The following BRINP2 variants were observed in gnomAD, a reference collection of about 807,000 sequenced individuals.
BRINP2 encodes the protein BMP/retinoic acid-inducible neural-specific protein 2.
A neutral mutation model predicts 69.2 loss-of-function variants in BRINP2; 21 were observed. That is an observed-to-expected ratio of 0.30 (90% CI 0.22 to 0.44). The LOEUF (loss-of-function observed/expected upper bound fraction) is 0.44. Among genes scored for constraint, BRINP2 ranks in the 20% least tolerant of loss-of-function variants. BRINP2 has a pLI of 1.00. For missense variants in BRINP2, 877 were observed against 986.0 expected (o/e 0.89, Z 1.48); for synonymous variants, 380 against 394.1 (o/e 0.96, Z 0.42).
chr1:177,197,587 T>G (rs548822226), intron 1 of BRINP2, among the ~76,000 whole-genome samples: 16 of 152,178 alleles, frequency 1.1e-4, no homozygotes, highest in Admixed American at 2.6e-4. Flanking sequence ...GGAAACAAAC[T>G]GTGGTAGGCC....
At chr1:177,241,423 T>C (rs948240230) in intron 2 of BRINP2, among the ~76,000 whole-genome samples, 2 of 152,204 alleles carry the variant, frequency 1.3e-5, no homozygotes, top group African/African-American at 4.8e-5. Flanking sequence ...AACAGGGCTC[T>C]AGATTTTGAA....
At chr1:177,245,416 C>T (rs1650343465) in intron 2 of BRINP2, among the ~76,000 whole-genome samples, 3 of 152,112 alleles carry the variant, frequency 2.0e-5, no homozygotes, top group African/African-American at 7.2e-5. Flanking sequence ...ACCAGAGGGG[C>T]TATTTCTTTG....
At chr1:177,181,201 A>G (rs1381326069) in intron 1 of BRINP2, among the ~76,000 whole-genome samples, 1 of 152,256 alleles carries the variant, frequency 6.6e-6, no homozygotes, top group East Asian at 1.9e-4. Context: ...TTTTGCCATT[A>G]ACTCCTGCAG....
intron 2 of BRINP2, among the ~76,000 whole-genome samples, chr1:177,234,730 C>G (rs1649966555): frequency 6.6e-6 from 1 of 152,198 alleles, no homozygotes; most frequent in African/African-American, 2.4e-5. Context: ...CTAGCTACCT[C>G]TTTTTGGAAA....
At chr1:177,278,855 C>A in intron 7 of BRINP2, 70 bp downstream of exon 7, 1 of 1,480,942 alleles carries the variant, frequency 6.8e-7, no homozygotes. Context: ...CCAAGGAGAA[C>A]CCTCTGTCCA....
At chr1:177,268,313 T>G (rs1174019424) in intron 4 of BRINP2, among the ~76,000 whole-genome samples, 2 of 152,184 alleles carry the variant, frequency 1.3e-5, no homozygotes, top group African/African-American at 4.8e-5. Flanking sequence ...TAGCTAACAC[T>G]CTTTTGTTGG....
rs1647915178 is a variant in BRINP2, at chr1:177,171,134, T to TGC, written c.-672_-671dup. ...CTTGCCCGGGGATGTGCACCTGCCG[T>TGC]GCGCTCCGAGGTCAGTGGCAGGTCT... On this transcript the variant is annotated 5_prime_UTR_variant, in exon 1 of 8. An upstream open reading frame in the 5' UTR loses its in-frame stop. Coordinates refer to ENST00000361539, the MANE Select transcript of BRINP2 (RefSeq NM_021165.4). Among the ~76,000 whole-genome samples, 2 of 152,206 alleles carry TGC rather than the reference T, an allele frequency of 1.3e-5. No homozygotes were observed. The highest frequency in any genetic ancestry group is 2.9e-5 in the Non-Finnish European group (2 of 68,030).
intron 2 of BRINP2, among the ~76,000 whole-genome samples, chr1:177,240,072 AC>A (rs1392458445): frequency 1.3e-5 from 2 of 152,160 alleles, no homozygotes; most frequent in Non-Finnish European, 1.5e-5. Context: ...AGCCAGAACC[AC>A]TGCTCACCAA....
chr1:177,223,000 T>G (rs1571907693), intron 1 of BRINP2, among the ~76,000 whole-genome samples: 1 of 152,196 alleles, frequency 6.6e-6, no homozygotes, highest in East Asian at 1.9e-4. Flanking sequence ...GACTTTTTAT[T>G]TAGAAGTACT....
intron 1 of BRINP2, among the ~76,000 whole-genome samples, chr1:177,172,031 T>C (rs1026821383): frequency 1.3e-4 from 20 of 152,212 alleles, no homozygotes; most frequent in African/African-American, 4.8e-4. Flanking sequence ...TCAAAGTTAG[T>C]GCAACTCCTA....
chr1:177,265,896 G>A lies in BRINP2; in HGVS notation c.670-7592G>A, dbSNP rs369650274. Among the ~76,000 whole-genome samples, 104 of 152,028 alleles carry A rather than the reference G, an allele frequency of 6.8e-4. 1 individual carries two copies. The highest frequency in any genetic ancestry group is 2.3e-3 in the African/African-American group (97 of 41,474). On this transcript the variant is annotated intron_variant, in intron 4 of 7. Coordinates refer to ENST00000361539, the MANE Select transcript of BRINP2 (RefSeq NM_021165.4). ...AGCACTTTGGGAGGCCAAGGTGAGC[G>A]GATCACAAGGTCAGGAGATGGAGAC...
chr1:177,275,225 G>T (rs988760997), intron 5 of BRINP2: 1 of 456,158 alleles, frequency 2.2e-6, no homozygotes, highest in Non-Finnish European at 4.4e-6. Context: ...AAGCCAACTA[G>T]GAGTATGTTC....
rs750417591 is a variant in BRINP2, at chr1:177,276,214, G to T, written c.792G>T (p.Leu264=). Residue 264 remains leucine, a synonymous_variant, in exon 6 of 8, where the codon CTG becomes CTT. Coordinates refer to ENST00000361539, the MANE Select transcript of BRINP2 (RefSeq NM_021165.4). ...TTTCCCCAGGCCTTCAGGTGCTGCTGCCTGAGTATCTGCGTGAGCGCTTTG... is the reference window on the plus strand; with the variant it reads ...TTTCCCCAGGCCTTCAGGTGCTGCTTCCTGAGTATCTGCGTGAGCGCTTTG... ...KVQLLGLQVL[L]PEYLRERFVA... is the part of the protein sequence containing the mutation. 9.3e-6 allele frequency: 15 copies of T among 1,612,792 alleles called. No homozygotes were observed. The highest frequency in any genetic ancestry group is 2.2e-5 in the East Asian group (1 of 44,854).
intron 2 of BRINP2, among the ~76,000 whole-genome samples, chr1:177,255,541 T>C (rs1241552103): frequency 1.3e-5 from 2 of 152,232 alleles, no homozygotes; most frequent in Non-Finnish European, 2.9e-5. Context: ...GGGATGTGAC[T>C]CATTCACGGT....
At chr1:177,257,066 G>A (rs770382306) in intron 3 of BRINP2, 110 bp from the exon 4 acceptor site, 5 of 1,565,566 alleles carry the variant, frequency 3.2e-6, no homozygotes, top group Non-Finnish European at 4.3e-6. Flanking sequence ...GGCAGCAGGG[G>A]CTGCACTCTC....
chr1:177,213,315 C>T (rs941810092), intron 1 of BRINP2, among the ~76,000 whole-genome samples: 9 of 152,192 alleles, frequency 5.9e-5, no homozygotes, highest in East Asian at 1.9e-4. Context: ...TTGAGAAACA[C>T]GCCTGGCCTT....
intron 1 of BRINP2, among the ~76,000 whole-genome samples, chr1:177,199,850 G>T (rs747396389): frequency 6.6e-6 from 1 of 152,034 alleles, no homozygotes; most frequent in East Asian, 1.9e-4. Flanking sequence ...GATATTCATG[G>T]CTCTATGTGC....
intron 4 of BRINP2, among the ~76,000 whole-genome samples, chr1:177,263,489 G>C (rs1489086055): frequency 6.6e-6 from 1 of 152,192 alleles, no homozygotes; most frequent in African/African-American, 2.4e-5. Flanking sequence ...CCAGGAGCAT[G>C]AGGGGTGGGA....
intron 2 of BRINP2, among the ~76,000 whole-genome samples, chr1:177,241,860 T>G (rs1428115052): frequency 6.6e-6 from 1 of 152,250 alleles, no homozygotes; most frequent in African/African-American, 2.4e-5. Flanking sequence ...CTTCTGGAGC[T>G]GAAATCTCAG....
Sources: gnomAD v4.1 joint callset for allele counts (sites outside exome capture counted in the v4.1 genomes callset) on GRCh38, gnomAD v4.1.1 for gene constraint, MANE v1.5 for transcripts, NCBI Gene and HGNC (gene_info 2026-07-23, HGNC 2026-07-21) for gene names.